Variants in UBE4B observed in about 807,000 individuals in gnomAD.
UBE4B encodes the protein ubiquitination factor E4B.
A neutral mutation model predicts 148.1 loss-of-function variants in UBE4B; 27 were observed. The observed-to-expected ratio is 0.18, with a 90% CI of 0.13 to 0.25. UBE4B has a LOEUF of 0.25. Among genes scored for constraint, UBE4B ranks in the 10% least tolerant of loss-of-function variants. UBE4B has a pLI of 1.00. For missense variants in UBE4B, 1,170 were observed against 1,662.4 expected (o/e 0.70, Z 5.15); for synonymous variants, 596 against 619.3 (o/e 0.96, Z 0.56).
chr1:10,112,656 T>G (rs1645240952), intron 7 of UBE4B, among the ~76,000 whole-genome samples: 1 of 152,160 alleles, frequency 6.6e-6, no homozygotes, highest in Non-Finnish European at 1.5e-5. Flanking sequence ...CCCCTCAGCC[T>G]CCCAAAGTGT....
chr1:10,102,229 T>C (rs1645024602), intron 4 of UBE4B, among the ~76,000 whole-genome samples: 1 of 152,022 alleles, frequency 6.6e-6, no homozygotes, highest in Admixed American at 6.6e-5. Context: ...TGTGGTGGTA[T>C]GTAATGAGAA....
intron 2 of UBE4B, among the ~76,000 whole-genome samples, chr1:10,090,613 A>G (rs995332884): frequency 2.0e-5 from 3 of 152,160 alleles, no homozygotes; most frequent in African/African-American, 7.2e-5. Flanking sequence ...AATATGTTGT[A>G]GAGATGATGT....
At chr1:10,141,800 A>G (rs1334808866) in intron 17 of UBE4B, among the ~76,000 whole-genome samples, 1 of 152,170 alleles carries the variant, frequency 6.6e-6, no homozygotes, top group East Asian at 1.9e-4. Context: ...CTAGCAAGCA[A>G]GGCTCAGGGA....
chr1:10,112,095 G>C (rs781073489), intron 7 of UBE4B, among the ~76,000 whole-genome samples: 2 of 152,198 alleles, frequency 1.3e-5, no homozygotes, highest in African/African-American at 4.8e-5. Flanking sequence ...ATGGGATTCA[G>C]TCTGCACAGA....
intron 4 of UBE4B, among the ~76,000 whole-genome samples, 194 bp from the exon 5 acceptor site, chr1:10,102,754 A>G (rs1645036839): frequency 6.6e-6 from 1 of 152,156 alleles, no homozygotes; most frequent in East Asian, 1.9e-4. Flanking sequence ...TTGTAAGCTC[A>G]TGAGACTTAG....
At chr1:10,077,342 A>G (rs185868380) in intron 2 of UBE4B, among the ~76,000 whole-genome samples, 1 of 152,126 alleles carries the variant, frequency 6.6e-6, no homozygotes, top group Non-Finnish European at 1.5e-5. Flanking sequence ...TCTGTGTCCA[A>G]ATTTCCCTCT....
rs1643354316 is a variant in UBE4B, at chr1:10,032,997, T to C, written c.-674T>C. On this transcript the variant is annotated 5_prime_UTR_variant, in exon 1 of 28. Coordinates refer to ENST00000343090, the MANE Select transcript of UBE4B (RefSeq NM_001105562.3). ...GCCGCCCTGTTGTTTTGATGAATAA[T>C]ACTTGGTGGGGCGAGGGGGAAAGAG... The C allele has an allele frequency of 6.6e-6, 1 of 152,046 alleles. No homozygotes were observed. Among genetic ancestry groups the C allele is most frequent in the Non-Finnish European group, 1.5e-5 (1 of 68,038 alleles). The allele number at this position is 152,046 out of a possible 1,614,324, so 9.4% of individuals were successfully genotyped here. A position where few individuals can be genotyped will look rare whatever the true frequency, so the allele number is the denominator to read the frequency against.
intron 17 of UBE4B, among the ~76,000 whole-genome samples, chr1:10,142,464 A>G (rs548381290): frequency 1.3e-5 from 2 of 152,308 alleles, no homozygotes; most frequent in East Asian, 3.9e-4. Flanking sequence ...TGAGGTCAGG[A>G]GTTCGAGACC....
intron 23 of UBE4B, among the ~76,000 whole-genome samples, chr1:10,165,749 TCAGGGATACCTTCCCTGAC>T (rs902807187): frequency 6.6e-6 from 1 of 152,120 alleles, no homozygotes; most frequent in Non-Finnish European, 1.5e-5. Context: ...ATACCCTCCC[TCAGGGATACCTTCCCTGAC>T]CACCCTTTCC....
At chr1:10,066,674 G>A (rs1188187636) in intron 1 of UBE4B, among the ~76,000 whole-genome samples, 1 of 152,068 alleles carries the variant, frequency 6.6e-6, no homozygotes, top group Non-Finnish European at 1.5e-5. Context: ...GGGAGGCTGA[G>A]GCAGGTAGAT....
intron 1 of UBE4B, among the ~76,000 whole-genome samples, chr1:10,041,795 C>G (rs1007294208): frequency 2.6e-5 from 4 of 152,092 alleles, no homozygotes; most frequent in African/African-American, 9.7e-5. Flanking sequence ...CTCCCGAGTT[C>G]AAGTGATTCT....
At position 10,161,164 on chromosome 1, in the gene UBE4B, TA is replaced by T; in HGVS notation, c.3077del (p.Tyr1026LeufsTer2). 6.2e-7 allele frequency: 1 copy of T among 1,614,114 alleles called. No individual in the cohort carries two copies. Among genetic ancestry groups the T allele is most frequent in the Non-Finnish European group, 8.5e-7 (1 of 1,179,998 alleles). ...CAGCTCCGGGAAGCAGTTTGTTCGCTATATAAACATGTTGATAAACGACACG... is the reference window on the plus strand; with the variant it reads ...CAGCTCCGGGAAGCAGTTTGTTCGCTTATAAACATGTTGATAAACGACACG... The part of the protein sequence containing the change: ...EFNSGKQFVR[Y>X]INMLINDTTF... On this transcript the variant is annotated frameshift_variant, in exon 23 of 28. Transcript: ENST00000343090. LOFTEE classifies it high-confidence loss of function. This position sits in a 1 kb window ranked among gnomAD's most constrained non-coding sequence, Gnocchi z 4.1.
At chr1:10,080,988 A>G (rs1351343274) in intron 2 of UBE4B, among the ~76,000 whole-genome samples, 10 of 152,224 alleles carry the variant, frequency 6.6e-5, no homozygotes, top group Non-Finnish European at 1.0e-4. Context: ...TTAGTGATCT[A>G]TTGTACAGGA....
chr1:10,107,571 T>C (rs537176770), intron 7 of UBE4B, among the ~76,000 whole-genome samples: 1 of 148,948 alleles, frequency 6.7e-6, no homozygotes, highest in Non-Finnish European at 1.5e-5. Flanking sequence ...TTTCTTTCTT[T>C]CTTTCTTTTT....
intron 25 of UBE4B, among the ~76,000 whole-genome samples, chr1:10,175,779 T>A (rs1200113171): frequency 1.3e-5 from 2 of 152,180 alleles, no homozygotes; most frequent in Non-Finnish European, 2.9e-5. Context: ...AGAATATGAG[T>A]CTGCGTCTCA....
Position 10,181,001 on chromosome 1 carries a change from C to G in UBE4B, c.*1045C>G, listed in dbSNP as rs181086651. ...ACACACACAGACAAACACAGCCACA[C>G]GCGCACACAAGTATAAGACTTTTTG... is the stretch of plus-strand genomic sequence containing the variant. On this transcript the variant is annotated 3_prime_UTR_variant, in exon 28 of 28. Coordinates refer to ENST00000343090, the MANE Select transcript of UBE4B (RefSeq NM_001105562.3). The G allele has an allele frequency of 6.6e-6, 1 of 151,534 alleles. No individual in the cohort carries two copies. The highest frequency in any genetic ancestry group is 2.4e-5 in the African/African-American group (1 of 41,016). The allele number at this position is 151,534 out of a possible 1,614,324, so 9.4% of individuals were successfully genotyped here.
chr1:10,163,736 T>A (rs1206681113), intron 23 of UBE4B, among the ~76,000 whole-genome samples: 5 of 151,724 alleles, frequency 3.3e-5, no homozygotes, highest in African/African-American at 1.2e-4. Flanking sequence ...ATATTTTATT[T>A]ACTTACTATT....
At position 10,086,067 on chromosome 1, in the gene UBE4B, G is replaced by A. The variant is rs768423677; in HGVS notation, c.212-9394G>A. Among the ~76,000 whole-genome samples, 78 of 151,662 alleles carry A rather than the reference G, an allele frequency of 5.1e-4. 1 individual carries two copies. The highest frequency in any genetic ancestry group is 9.4e-4 in the Non-Finnish European group (64 of 67,916). ...GCTTACTGCAAGCTCCACCTCCCTG[G>A]TTCACGCCATTCTCCTGCTTCAGCC... On this transcript the variant is annotated intron_variant, in intron 2 of 27. Transcript: ENST00000343090.
At chr1:10,037,315 C>G (rs756408156) in intron 1 of UBE4B, among the ~76,000 whole-genome samples, 11 of 152,184 alleles carry the variant, frequency 7.2e-5, no homozygotes, top group Non-Finnish European at 1.6e-4. Context: ...GCATGAGCCA[C>G]TGTGCCCGGT....
Sources: allele counts gnomAD v4.1 joint callset (sites outside exome capture counted in the v4.1 genomes callset), GRCh38; gene constraint gnomAD v4.1.1; non-coding constraint Gnocchi (gnomAD v3.1); transcripts MANE v1.5; gene names NCBI Gene and HGNC (gene_info 2026-07-23, HGNC 2026-07-21).